ACYP2: variants seen among roughly 807,000 people sequenced by gnomAD.
The protein encoded by ACYP2 is acylphosphatase-2.
In ACYP2, 12 loss-of-function variants were observed where a neutral mutation model predicts 11.2. That is an observed-to-expected ratio of 1.08 (90% confidence interval 0.69 to 1.74). ACYP2 has a LOEUF of 1.74. ACYP2 is among the 40% of genes most tolerant of loss of function. ACYP2 has a pLI of 0.00. For missense variants in ACYP2, 134 were observed against 101.9 expected, an observed-to-expected ratio of 1.31 and a Z score of -1.35; for synonymous variants, 43 against 32.2, an observed-to-expected ratio of 1.33 and a Z score of -1.13.
At chr2:54,090,466 T>TA (rs1482203815) in intron 4 of ACYP2, among the ~76,000 whole-genome samples, 2 of 152,056 alleles carry the variant, frequency 1.3e-5, no homozygotes, top group African/African-American at 2.4e-5. Context: ...CCGTTTCTAC[T>TA]AAAAAAATAC....
chr2:54,296,755 A>G (rs965797034), intron 6 of ACYP2, among the ~76,000 whole-genome samples: 26 of 152,234 alleles, frequency 1.7e-4, no homozygotes, highest in African/African-American at 6.3e-4. Context: ...AAAATATATT[A>G]GAGTGAAGAG....
At chr2:54,151,801 A>G (rs1682183248) in intron 6 of ACYP2, among the ~76,000 whole-genome samples, 1 of 152,222 alleles carries the variant, frequency 6.6e-6, no homozygotes, top group African/African-American at 2.4e-5. Context: ...TAAGGTAATC[A>G]TATTTAATAA....
intron 6 of ACYP2, among the ~76,000 whole-genome samples, chr2:54,227,856 C>T (rs1164244960): frequency 2.0e-5 from 3 of 152,176 alleles, no homozygotes; most frequent in African/African-American, 7.2e-5. Context: ...TAAATCAATG[C>T]TACATCATTT....
chr2:54,114,509 C>A (rs1679636553), intron 4 of ACYP2, among the ~76,000 whole-genome samples: 1 of 151,800 alleles, frequency 6.6e-6, no homozygotes, highest in African/African-American at 2.4e-5. Context: ...CATGGTGAAA[C>A]CCCGTCTCCA....
intron 6 of ACYP2, among the ~76,000 whole-genome samples, chr2:54,277,821 A>T (rs1688671650): frequency 6.6e-6 from 1 of 152,114 alleles, no homozygotes; most frequent in African/African-American, 2.4e-5. Context: ...CCTTACCTTT[A>T]TGTAATAATA....
chr2:54,163,877 C>T (rs1363661158), intron 6 of ACYP2, among the ~76,000 whole-genome samples: 1 of 151,946 alleles, frequency 6.6e-6, no homozygotes, highest in Non-Finnish European at 1.5e-5. Flanking sequence ...AGTTATCATT[C>T]ACTTATTATT....
intron 4 of ACYP2, among the ~76,000 whole-genome samples, chr2:54,128,452 G>A (rs1182497448): frequency 3.3e-5 from 5 of 152,092 alleles, no homozygotes; most frequent in Non-Finnish European, 5.9e-5. Flanking sequence ...TGGATTGAGT[G>A]AAGCCAGAAG....
intron 6 of ACYP2, chr2:54,141,830 A>T (rs1681619324): frequency 1.9e-6 from 1 of 521,062 alleles, no homozygotes; most frequent in African/African-American, 1.9e-5. Context: ...TTTTAAGATA[A>T]ACTTTATGTA....
intron 6 of ACYP2, among the ~76,000 whole-genome samples, chr2:54,150,897 A>G (rs1390765437): frequency 1.3e-5 from 2 of 150,768 alleles, no homozygotes; most frequent in African/African-American, 2.4e-5. Context: ...GCCCACTACC[A>G]CGCCCGGCTA....
intron 2 of ACYP2, among the ~76,000 whole-genome samples, chr2:53,988,648 G>C (rs915740446): frequency 6.6e-6 from 1 of 151,492 alleles, no homozygotes; most frequent in Non-Finnish European, 1.5e-5. Flanking sequence ...CTGGCATTGA[G>C]CTCCTGGGCT....
At position 54,031,594 on chromosome 2, in the gene ACYP2, A is replaced by G. The variant is rs138534096; in HGVS notation, c.63-19364A>G. Among the ~76,000 whole-genome samples, 723 of 152,286 alleles carry G rather than the reference A, an allele frequency of 4.7e-3. 10 individuals carry two copies. The highest frequency in any genetic ancestry group is 0.017 in the African/African-American group (687 of 41,560). ...AGTGCCGCAATAAACATACATGTGC[A>G]TGTGTCTTTATAGCAGCATGATTTA... On this transcript the variant is annotated intron_variant, in intron 2 of 6. Transcript: ENST00000607452.
intron 6 of ACYP2, among the ~76,000 whole-genome samples, chr2:54,237,773 A>G (rs1686553700): frequency 6.6e-6 from 1 of 152,062 alleles, no homozygotes. Flanking sequence ...ATCTACTTGA[A>G]TCTGTGCTTT....
chr2:54,174,513 T>C (rs1182980190), intron 6 of ACYP2, among the ~76,000 whole-genome samples: 2 of 152,184 alleles, frequency 1.3e-5, no homozygotes, highest in Non-Finnish European at 2.9e-5. Context: ...GGATACCCTT[T>C]ATTTCTTTTT....
intron 6 of ACYP2, among the ~76,000 whole-genome samples, chr2:54,172,720 C>T (rs1296416033): frequency 2.6e-5 from 4 of 152,150 alleles, no homozygotes; most frequent in African/African-American, 9.7e-5. Flanking sequence ...TGACAGGCCC[C>T]TGTGTGTGAT....
intron 2 of ACYP2, among the ~76,000 whole-genome samples, chr2:54,025,364 T>C (rs1674227425): frequency 1.3e-5 from 2 of 152,174 alleles, no homozygotes; most frequent in South Asian, 4.1e-4. Flanking sequence ...AACAGCATGG[T>C]ATTGGCATAA....
intron 4 of ACYP2, among the ~76,000 whole-genome samples, chr2:54,110,813 C>T (rs1290670418): frequency 1.3e-5 from 2 of 151,884 alleles, no homozygotes; most frequent in Admixed American, 1.3e-4. Context: ...TCTGAGAACT[C>T]GGTGTTTACT....
chr2:53,984,545 C>G (rs1218568845), intron 2 of ACYP2, among the ~76,000 whole-genome samples: 1 of 151,818 alleles, frequency 6.6e-6, no homozygotes, highest in African/African-American at 2.4e-5. Context: ...CCACTGTACT[C>G]CAGCCTGGGC....
intron 6 of ACYP2, among the ~76,000 whole-genome samples, chr2:54,151,237 G>T (rs1029213248): frequency 6.6e-5 from 10 of 152,034 alleles, no homozygotes; most frequent in African/African-American, 2.2e-4. Flanking sequence ...ACATTTTTTT[G>T]AGTTTCCAGT....
At chr2:54,115,619 G>A in intron 4 of ACYP2, 4 of 1,562,406 alleles carry the variant, frequency 2.6e-6, no homozygotes, top group Non-Finnish European at 3.5e-6. Context: ...AGTCCCATGT[G>A]TCCCCTCCCT....
Sources: gnomAD v4.1 joint callset for allele counts (sites outside exome capture counted in the v4.1 genomes callset) on GRCh38, gnomAD v4.1.1 for gene constraint, MANE v1.5 for transcripts, NCBI Gene and HGNC (gene_info 2026-07-23, HGNC 2026-07-21) for gene names.